Variants in TBC1D9 observed in about 807,000 individuals in gnomAD.
TBC1D9 encodes TBC1 domain family member 9A.
A neutral mutation model predicts 132.0 loss-of-function variants in TBC1D9; 63 were observed. The observed-to-expected ratio is 0.48, with a 90% CI of 0.39 to 0.59. TBC1D9 has a LOEUF of 0.59. Ranked by LOEUF, TBC1D9 falls within the 20% of genes least tolerant of loss-of-function variation. The pLI is 0.00. For missense variants in TBC1D9, 1,261 were observed against 1,592.7 expected (o/e 0.79, Z 3.54); for synonymous variants, 610 against 609.9 (o/e 1.00, Z 0.00).
At chr4:140,628,191 T>C (rs939809327) in intron 17 of TBC1D9, 109 bp downstream of exon 17, 5 of 857,764 alleles carry the variant, frequency 5.8e-6, no homozygotes, top group Non-Finnish European at 9.7e-6. Context: ...TAGTGACTCA[T>C]GAATGATGGT....
chr4:140,684,324 T>C lies in TBC1D9; in HGVS notation c.360+2020A>G, dbSNP rs150489899. Among the ~76,000 whole-genome samples the C allele has an allele frequency of 6.5e-4, 99 of 152,194 alleles. 1 individual carries two copies. Among genetic ancestry groups the C allele is most frequent in the African/African-American group, 2.1e-3 (89 of 41,526 alleles). On this transcript the variant is annotated intron_variant, in intron 3 of 20. Coordinates refer to ENST00000442267, the MANE Select transcript of TBC1D9 (RefSeq NM_015130.3). ...ATAAGGTGTTTGGATTATGGTTGCA[T>C]CTGTAGTTAACTATTACATTTATGA...
At chr4:140,642,964 G>T in intron 13 of TBC1D9, 1 of 653,912 alleles carries the variant, frequency 1.5e-6, no homozygotes, top group Non-Finnish European at 2.6e-6. Flanking sequence ...TTGTACTGGT[G>T]CTGGACCTCG....
intron 1 of TBC1D9, among the ~76,000 whole-genome samples, chr4:140,749,112 T>A (rs752779435): frequency 6.6e-6 from 1 of 152,082 alleles, no homozygotes; most frequent in Non-Finnish European, 1.5e-5. Flanking sequence ...ACACCTCTAA[T>A]ATCAGCAATT....
intron 1 of TBC1D9, among the ~76,000 whole-genome samples, chr4:140,740,396 A>G (rs913570888): frequency 6.6e-6 from 1 of 152,224 alleles, no homozygotes; most frequent in Non-Finnish European, 1.5e-5. Flanking sequence ...AGTGTTTTCC[A>G]CACCAGTAAT....
intron 13 of TBC1D9, 87 bp downstream of exon 13, chr4:140,657,010 G>A: frequency 5.5e-6 from 8 of 1,457,216 alleles, no homozygotes; most frequent in Non-Finnish European, 6.6e-6. Context: ...CCAGTCTGTG[G>A]TATTCTGTTA....
intron 1 of TBC1D9, among the ~76,000 whole-genome samples, chr4:140,737,436 TTCTC>T (rs60339822): frequency 0.34 from 49,520 of 147,048 alleles, 9,158 homozygotes; most frequent in South Asian, 0.52. Context: ...GCACCCTCCC[TTCTC>T]TCTCTCTCTC....
intron 13 of TBC1D9, chr4:140,643,144 C>T (rs1737035844): frequency 7.0e-7 from 1 of 1,438,276 alleles, no homozygotes; most frequent in Non-Finnish European, 9.6e-7. Context: ...CCATCCAGCA[C>T]CTCCCTCAGC....
chr4:140,742,252 C>T (rs959610334), intron 1 of TBC1D9, among the ~76,000 whole-genome samples: 2 of 151,930 alleles, frequency 1.3e-5, no homozygotes, highest in South Asian at 2.1e-4. Context: ...AAAAATGACT[C>T]GCCGGGCACA....
intron 9 of TBC1D9, among the ~76,000 whole-genome samples, chr4:140,665,223 C>T (rs372693108): frequency 6.6e-6 from 1 of 151,222 alleles, no homozygotes; most frequent in South Asian, 2.1e-4. Context: ...AGCAGAGTGA[C>T]AAAGGAAAAA....
intron 2 of TBC1D9, among the ~76,000 whole-genome samples, chr4:140,698,703 A>C (rs1368250885): frequency 2.1e-5 from 3 of 144,838 alleles, no homozygotes; most frequent in Non-Finnish European, 4.5e-5. Flanking sequence ...GTGCCACTGC[A>C]CTCGAGCCTG....
chr4:140,632,262 G>GTTT lies in TBC1D9; in HGVS notation c.2746+1683_2746+1685dup, dbSNP rs11375011. ...TTCTCCTCTTTATTTTTGCCCAAAG[G>GTTT]TTTTTTTTTTTTAAATATCTCTTTT... On this transcript the variant is annotated intron_variant, in intron 16 of 20. Transcript: ENST00000442267. Among the ~76,000 whole-genome samples, 449 of 147,438 alleles carry GTTT rather than the reference G, an allele frequency of 3.0e-3. 2 individuals carry two copies. Among genetic ancestry groups the GTTT allele is most frequent in the African/African-American group, 0.01 (401 of 39,930 alleles).
intron 13 of TBC1D9, chr4:140,643,173 A>C: frequency 2.1e-6 from 3 of 1,439,182 alleles, no homozygotes; most frequent in South Asian, 2.5e-5. Flanking sequence ...GCCGGCTGCC[A>C]GCAGGCTCTC....
At chr4:140,631,933 C>T (rs1340587937) in intron 16 of TBC1D9, among the ~76,000 whole-genome samples, 1 of 152,150 alleles carries the variant, frequency 6.6e-6, no homozygotes, top group East Asian at 1.9e-4. Flanking sequence ...CAGAATTTCT[C>T]ATTTCTGCTT....
chr4:140,750,371 T>C (rs1413735862), intron 1 of TBC1D9, among the ~76,000 whole-genome samples: 2 of 151,912 alleles, frequency 1.3e-5, no homozygotes, highest in African/African-American at 4.8e-5. Flanking sequence ...TAGCAGATGA[T>C]ATGGTTGTGT....
At chr4:140,753,307 C>T (rs12503741) in intron 1 of TBC1D9, among the ~76,000 whole-genome samples, 44,823 of 151,494 alleles carry the variant, frequency 0.3, 6,962 homozygotes, top group East Asian at 0.57. Context: ...TTGCCCAGTC[C>T]GGATTTGAAT....
intron 11 of TBC1D9, among the ~76,000 whole-genome samples, chr4:140,658,711 T>C (rs565277664): frequency 6.6e-6 from 1 of 151,822 alleles, no homozygotes; most frequent in South Asian, 2.1e-4. Context: ...ACTCAAAGAC[T>C]GAGGCAGGAG....
chr4:140,719,115 A>AAAATAAATAAATAAAT (rs200581012), intron 1 of TBC1D9, among the ~76,000 whole-genome samples: 3 of 141,326 alleles, frequency 2.1e-5, no homozygotes, highest in African/African-American at 5.3e-5. Flanking sequence ...ACTCCATCTC[A>AAAATAAATAAATAAAT]AAATAAATAA....
At chr4:140,739,451 G>A (rs1026885454) in intron 1 of TBC1D9, among the ~76,000 whole-genome samples, 2 of 152,024 alleles carry the variant, frequency 1.3e-5, no homozygotes, top group African/African-American at 2.4e-5. Flanking sequence ...TCCAAGCTCT[G>A]CCTATGCTAC....
intron 1 of TBC1D9, 42 bp downstream of exon 1, chr4:140,755,874 G>A (rs946407083): frequency 1.5e-4 from 221 of 1,496,734 alleles, no homozygotes; most frequent in Non-Finnish European, 1.9e-4. Context: ...GCGCCGCAGC[G>A]CTCCCGGCTC....
Sources: allele counts gnomAD v4.1 joint callset (sites outside exome capture counted in the v4.1 genomes callset), GRCh38; gene constraint gnomAD v4.1.1; transcripts MANE v1.5; gene names NCBI Gene and HGNC (gene_info 2026-07-23, HGNC 2026-07-21).